ALKBH8: variants seen among roughly 807,000 people sequenced by gnomAD.
The protein encoded by ALKBH8 is alkB homolog 8, tRNA methyltransferase, also known as tRNA (carboxymethyluridine(34)-5-O)-methyltransferase ALKBH8.
In ALKBH8, 36 loss-of-function variants were observed where a neutral mutation model predicts 59.8. The observed-to-expected ratio is 0.60, with a 90% CI of 0.46 to 0.79. ALKBH8 has a LOEUF of 0.79. Ranked by LOEUF, ALKBH8 falls within the 30% of genes least tolerant of loss-of-function variation. The pLI is 0.00. For missense variants in ALKBH8, 768 were observed against 801.0 expected (o/e 0.96, Z 0.50); for synonymous variants, 276 against 273.6 (o/e 1.01, Z -0.09).
At position 107,562,983 on chromosome 11, in the gene ALKBH8, G is replaced by A. The variant is rs185812484; in HGVS notation, c.-6-2084C>T. On this transcript the variant is annotated intron_variant, in intron 1 of 11. Transcript: ENST00000428149. ...GAGGCTGAGTGACTAAGAGATGAGTGCTACCACTTCAAAACTGGAAAGTCA... is the reference window on the plus strand; with the variant it reads ...GAGGCTGAGTGACTAAGAGATGAGTACTACCACTTCAAAACTGGAAAGTCA... 1.7e-3 allele frequency among the ~76,000 whole-genome samples: 256 copies of A among 152,254 alleles called. 1 individual carries two copies. Among genetic ancestry groups the A allele is most frequent in the African/African-American group, 5.8e-3 (243 of 41,550 alleles).
intron 10 of ALKBH8, among the ~76,000 whole-genome samples, chr11:107,519,917 T>A (rs750400493): frequency 6.6e-6 from 1 of 152,190 alleles, no homozygotes; most frequent in Non-Finnish European, 1.5e-5. Flanking sequence ...AGGGTTAATA[T>A]GAGAATCAAA....
chr11:107,531,305 A>T (rs1251799330), intron 8 of ALKBH8, among the ~76,000 whole-genome samples: 1 of 152,234 alleles, frequency 6.6e-6, no homozygotes, highest in Non-Finnish European at 1.5e-5. Flanking sequence ...TATGAGGGAC[A>T]GTATATGTAA....
At chr11:107,535,925 A>G (rs900574548) in intron 7 of ALKBH8, among the ~76,000 whole-genome samples, 2 of 152,232 alleles carry the variant, frequency 1.3e-5, no homozygotes, top group African/African-American at 2.4e-5. Flanking sequence ...AAGAAACACA[A>G]GCAATCAAGT....
intron 8 of ALKBH8, among the ~76,000 whole-genome samples, chr11:107,527,213 T>C (rs1334929711): frequency 6.6e-6 from 1 of 151,978 alleles, no homozygotes; most frequent in Non-Finnish European, 1.5e-5. Context: ...AGTCTATGTG[T>C]GTTGCATATC....
In ALKBH8 at chr11:107,504,855, C is replaced by T. The variant is rs1464643012; in HGVS notation, c.1798G>A (p.Gly600Arg). The change falls in exon 12 of 12, where the codon GGA (glycine) becomes AGA (arginine). Residue 600 changes from glycine (G) to arginine (R), a missense_variant. Gly to Arg is a moderately radical substitution (Grantham distance 125). Coordinates refer to ENST00000428149, the MANE Select transcript of ALKBH8 (RefSeq NM_138775.3). ...ACAGGTTTGCCTTTATCAGGATTTC[C>T]CTTAAGGTGCCAGGGAACCAGTACA... ...QDVLVPWHLK[G>R]NPDKGKPVEP... is the part of the protein sequence containing the mutation. 1.9e-6 allele frequency: 3 copies of T among 1,551,588 alleles called. No homozygotes were observed. Among genetic ancestry groups the T allele is most frequent in the Non-Finnish European group, 2.6e-6 (3 of 1,146,970 alleles).
chr11:107,534,567 A>G (rs1422897109), intron 7 of ALKBH8, among the ~76,000 whole-genome samples: 1 of 152,228 alleles, frequency 6.6e-6, no homozygotes, highest in Non-Finnish European at 1.5e-5. Context: ...AACGGACAGT[A>G]GTGATTTTCA....
At chr11:107,513,518 G>T (rs1409452684) in intron 10 of ALKBH8, among the ~76,000 whole-genome samples, 3 of 152,146 alleles carry the variant, frequency 2.0e-5, no homozygotes, top group Non-Finnish European at 4.4e-5. Flanking sequence ...ATTACCATTC[G>T]ACCCAGCAAT....
chr11:107,563,801 AG>A (rs1647355557), intron 1 of ALKBH8: 1 of 152,260 alleles, frequency 6.6e-6, no homozygotes, highest in Non-Finnish European at 1.5e-5. Flanking sequence ...TGCCACTAAG[AG>A]TCCAGCACCA....
intron 7 of ALKBH8, among the ~76,000 whole-genome samples, chr11:107,548,227 G>A (rs540886703): frequency 3.3e-5 from 5 of 152,286 alleles, no homozygotes; most frequent in Non-Finnish European, 5.9e-5. Flanking sequence ...TTCGTGTCCT[G>A]TTATACGAAC....
At chr11:107,549,848 G>T (rs749111094) in intron 6 of ALKBH8, 25 bp from the exon 7 acceptor site, 1 of 1,488,020 alleles carries the variant, frequency 6.7e-7, no homozygotes. Context: ...AGGACAACAC[G>T]TCACTTCATT....
chr11:107,535,887 A>C (rs1381079581), intron 7 of ALKBH8, among the ~76,000 whole-genome samples: 1 of 152,164 alleles, frequency 6.6e-6, no homozygotes, highest in Admixed American at 6.6e-5. Context: ...AACTTGCTTC[A>C]AATGTAGAAA....
intron 8 of ALKBH8, 117 bp from the exon 9 acceptor site, chr11:107,525,709 G>A (rs918842023): frequency 1.5e-6 from 1 of 675,204 alleles, no homozygotes; most frequent in Admixed American, 4.0e-5. Context: ...AATATCTATT[G>A]GATTCCCTGA....
At chr11:107,513,736 T>C (rs1400334075) in intron 10 of ALKBH8, among the ~76,000 whole-genome samples, 1 of 152,158 alleles carries the variant, frequency 6.6e-6, no homozygotes, top group Non-Finnish European at 1.5e-5. Flanking sequence ...TCACTTGCTG[T>C]ATGCAACATG....
At chr11:107,551,642 C>T (rs557936388) in intron 6 of ALKBH8, among the ~76,000 whole-genome samples, 166 bp downstream of exon 6, 3 of 148,952 alleles carry the variant, frequency 2.0e-5, no homozygotes, top group East Asian at 3.9e-4. Context: ...TGCAGTGAAC[C>T]GAGACCACGC....
At chr11:107,506,304 T>C (rs1862381594) in intron 11 of ALKBH8, among the ~76,000 whole-genome samples, 2 of 151,906 alleles carry the variant, frequency 1.3e-5, no homozygotes. Flanking sequence ...AAATTTAACT[T>C]CCTTCAGAGA....
chr11:107,560,750 G>T lies in ALKBH8; in HGVS notation c.129+15C>A, dbSNP rs756261075. The T allele has an allele frequency of 1.9e-6, 3 of 1,589,034 alleles. No individual in the cohort carries two copies. In the South Asian group the frequency reaches 3.4e-5, roughly 18 times the overall value. ...GTACATTTACATTCTAATAATAATAGTAGTTTTAGGTCACCTGAGTGGCAT... is the reference window on the plus strand; with the variant it reads ...GTACATTTACATTCTAATAATAATATTAGTTTTAGGTCACCTGAGTGGCAT... On this transcript the variant is annotated intron_variant, in intron 2 of 11. Coordinates refer to ENST00000428149, the MANE Select transcript of ALKBH8 (RefSeq NM_138775.3).
Position 107,510,917 on chromosome 11 carries a change from G to A in ALKBH8, c.1407C>T (p.Ser469=), listed in dbSNP as rs1274029611. 4.5e-6 allele frequency: 7 copies of A among 1,551,596 alleles called. No homozygotes were observed. Among genetic ancestry groups the A allele is most frequent in the Non-Finnish European group, 6.1e-6 (7 of 1,146,934 alleles). Residue 469 remains serine (S), a synonymous_variant, in exon 11 of 12, where the codon TCC becomes TCT. Transcript: ENST00000428149. ...TTGCAAAATGATGAATAACAGCAAT[G>A]GAGATGCAGGCATCACAAGACCCAC... ...VRSGSCDACI[S]IAVIHHFATA...
At chr11:107,549,888 AAATG>A in intron 6 of ALKBH8, 65 bp from the exon 7 acceptor site, 2 of 1,161,216 alleles carry the variant, frequency 1.7e-6, no homozygotes, top group Non-Finnish European at 2.5e-6. Context: ...AGATGGCTAT[AAATG>A]TAGCCTTATG....
Position 107,555,252 on chromosome 11 carries a change from T to G in ALKBH8, c.368-1274A>C, listed in dbSNP as rs191279471. On this transcript the variant is annotated intron_variant, in intron 3 of 11. Coordinates refer to ENST00000428149, the MANE Select transcript of ALKBH8 (RefSeq NM_138775.3). The stretch of plus-strand genomic sequence containing the variant: ...TCCAGCCTAGGTGAAAGAGCAGGAC[T>G]CTGTCTCAAAAAAAAATAAAAAAAA... Among the ~76,000 whole-genome samples the G allele has an allele frequency of 2.8e-4, 42 of 152,144 alleles. No individual in the cohort carries two copies. In the East Asian group the frequency reaches 6.0e-3, roughly 22 times the overall value.
Sources: allele counts gnomAD v4.1 joint callset (sites outside exome capture counted in the v4.1 genomes callset), GRCh38; gene constraint gnomAD v4.1.1; transcripts MANE v1.5; gene names NCBI Gene and HGNC (gene_info 2026-07-23, HGNC 2026-07-21).